MLYCD: variants seen among roughly 807,000 people sequenced by gnomAD.
MLYCD encodes malonyl-CoA decarboxylase.
Under a neutral mutation model 35.8 loss-of-function variants are expected in MLYCD, and 27 were observed. That is an observed-to-expected ratio of 0.75 (90% CI 0.56 to 1.04). The LOEUF (loss-of-function observed/expected upper bound fraction) is 1.04. Ranked by LOEUF, MLYCD falls within the 50% of genes least tolerant of loss-of-function variation. MLYCD has a pLI of 0.00. For synonymous variants in MLYCD, 403 were observed against 302.4 expected (o/e 1.33, Z -3.45); for missense variants, 917 against 665.1 (o/e 1.38, Z -4.17).
At position 83,922,365 on chromosome 16, in the gene MLYCD, C is replaced by G. The variant is rs1400094094; in HGVS notation, c.*6876C>G. The G allele has an allele frequency of 6.6e-6, 1 of 152,302 alleles. No homozygotes were observed. Among genetic ancestry groups the G allele is most frequent in the Non-Finnish European group, 1.5e-5 (1 of 68,104 alleles). 9.4% of individuals were successfully genotyped at this position (152,302 alleles called of 1,614,324 possible). A position where few individuals can be genotyped will look rare whatever the true frequency, so the allele number is the denominator to read the frequency against. ...CCTCCATCCCACCCACAGGGTTTCA[C>G]AAGAGGCCCAGCCATGCACCCTGCT... On this transcript the variant is annotated 3_prime_UTR_variant, in exon 5 of 5. Coordinates refer to ENST00000262430, the MANE Select transcript of MLYCD (RefSeq NM_012213.3).
At chr16:83,912,114 TC>T in intron 3 of MLYCD, 103 bp from the exon 4 acceptor site, 1 of 1,523,168 alleles carries the variant, frequency 6.6e-7, no homozygotes, top group Non-Finnish European at 9.1e-7. Flanking sequence ...CTCTTCCAGC[TC>T]CTTCAGTGCT....
chr16:83,908,161 A>G lies in MLYCD; in HGVS notation c.677A>G (p.Asp226Gly). ...EAVHPVKNWM[D>G]MKRRVGPYRR... ...GTGCATCCTGTAAAAAACTGGATGG[A>G]CATGAAGCGCCGCGTTGGGCCCTAC... The change falls in exon 3 of 5, where the codon GAC becomes GGC. Residue 226 changes from aspartate (D) to glycine (G), a missense_variant. By Grantham distance (94) the Asp-to-Gly change is moderately conservative. Transcript: ENST00000262430. 3 of 1,614,220 alleles carry G rather than the reference A, an allele frequency of 1.9e-6. No individual in the cohort carries two copies. The highest frequency in any genetic ancestry group is 2.2e-5 in the South Asian group (2 of 91,090).
rs985556659 is a variant in MLYCD, at chr16:83,916,147, A to G, written c.*658A>G. ...GGGATTCAGGTTCATAATGAACTTC[A>G]CAGTAAAGAACACGTTTGTTCTGTA... On this transcript the variant is annotated 3_prime_UTR_variant, in exon 5 of 5. Transcript: ENST00000262430. The G allele has an allele frequency of 2.5e-5, 25 of 992,760 alleles. No individual in the cohort carries two copies. The highest frequency in any genetic ancestry group is 3.0e-5 in the Non-Finnish European group (25 of 833,150). The allele number at this position is 992,760 out of a possible 1,614,324, so 61.5% of individuals were successfully genotyped here.
chr16:83,914,756 G>A (rs1312525567), intron 4 of MLYCD, 200 bp from the exon 5 acceptor site: 1 of 708,924 alleles, frequency 1.4e-6, no homozygotes, highest in Non-Finnish European at 2.3e-6. Flanking sequence ...TCCAGCTAGG[G>A]CAATAGAGCA....
At chr16:83,908,959 T>G (rs747805820) in intron 3 of MLYCD, among the ~76,000 whole-genome samples, 1 of 152,168 alleles carries the variant, frequency 6.6e-6, no homozygotes, top group Non-Finnish European at 1.5e-5. Context: ...CATGAGTGGC[T>G]GTTAGGAAGC....
chr16:83,922,302 G>C lies in MLYCD; in HGVS notation c.*6813G>C, dbSNP rs970562425. 3 of 152,124 alleles carry C rather than the reference G, an allele frequency of 2.0e-5. No homozygotes were observed. The East Asian group carries it at 5.8e-4, about 29-fold the overall frequency. 9.4% of individuals were successfully genotyped at this position (152,124 alleles called of 1,614,324 possible). A position where few individuals can be genotyped will look rare whatever the true frequency, so the allele number is the denominator to read the frequency against. ...TAAGTTCCGGCTCTCCTTATCTCTT[G>C]GAGCCCTGTCATCTGTGGATCAGAT... On this transcript the variant is annotated 3_prime_UTR_variant, in exon 5 of 5. Coordinates refer to ENST00000262430, the MANE Select transcript of MLYCD (RefSeq NM_012213.3).
At chr16:83,908,375 C>CTTTT (rs558316423) in intron 3 of MLYCD, 93 bp downstream of exon 3, 6 of 1,174,690 alleles carry the variant, frequency 5.1e-6, no homozygotes, top group Non-Finnish European at 6.9e-6. Flanking sequence ...TTTTATCCTC[C>CTTTT]TTTTTTTTTT....
rs746735081 is a variant in MLYCD at position 83,908,159 on chromosome 16, G to A, written c.675G>A (p.Met225Ile). Residue 225 changes from methionine (M) to isoleucine (I), a missense_variant, in exon 3 of 5, where the codon ATG becomes ATA. Coordinates refer to ENST00000262430, the MANE Select transcript of MLYCD (RefSeq NM_012213.3). ...AEAVHPVKNW[M>I]DMKRRVGPYR... ...CTGTGCATCCTGTAAAAAACTGGAT[G>A]GACATGAAGCGCCGCGTTGGGCCCT... 3.1e-6 allele frequency: 5 copies of A among 1,614,208 alleles called. No homozygotes were observed. The Admixed American group carries it at 6.7e-5, about 22-fold the overall frequency.
intron 3 of MLYCD, 99 bp from the exon 4 acceptor site, chr16:83,912,119 C>T: frequency 6.5e-7 from 1 of 1,541,196 alleles, no homozygotes; most frequent in African/African-American, 1.4e-5. Context: ...CCAGCTCCTT[C>T]AGTGCTCTGA....
intron 1 of MLYCD, among the ~76,000 whole-genome samples, chr16:83,906,786 G>A (rs946668561): frequency 4.0e-5 from 6 of 150,556 alleles, no homozygotes; most frequent in South Asian, 2.1e-4. Flanking sequence ...TAAATAGAGC[G>A]TTGAACGAAA....
At position 83,922,390 on chromosome 16, in the gene MLYCD, T is replaced by G. The variant is rs2151063578; in HGVS notation, c.*6901T>G. 6.6e-6 allele frequency: 1 copy of G among 152,412 alleles called. No individual in the cohort carries two copies. Among genetic ancestry groups the G allele is most frequent in the African/African-American group, 2.4e-5 (1 of 41,570 alleles). The allele number at this position is 152,412 out of a possible 1,614,324, so 9.4% of individuals were successfully genotyped here. On this transcript the variant is annotated 3_prime_UTR_variant, in exon 5 of 5. Coordinates refer to ENST00000262430, the MANE Select transcript of MLYCD (RefSeq NM_012213.3). Reference sequence around the variant, plus strand: ...CAAGAGGCCCAGCCATGCACCCTGCTGGGGTTCAGACTTGAGGGGTGCCAC... The same window carrying G: ...CAAGAGGCCCAGCCATGCACCCTGCGGGGGTTCAGACTTGAGGGGTGCCAC...
Position 83,915,774 on chromosome 16 carries a change from G to T in MLYCD, c.*285G>T, listed in dbSNP as rs138692583. The T allele has an allele frequency of 3.8e-6, 5 of 1,316,698 alleles. No homozygotes were observed. The Admixed American group carries it at 1.6e-4, about 42-fold the overall frequency. The allele number at this position is 1,316,698 out of a possible 1,614,324, so 81.6% of individuals were successfully genotyped here. On this transcript the variant is annotated 3_prime_UTR_variant, in exon 5 of 5. Transcript: ENST00000262430. ...TTGCCCTTGGCCTGGCTCCCTGCCCGGGGCTGGTGCTGTGGTACCTACATC... is the reference window on the plus strand; with the variant it reads ...TTGCCCTTGGCCTGGCTCCCTGCCCTGGGCTGGTGCTGTGGTACCTACATC...
intron 3 of MLYCD, among the ~76,000 whole-genome samples, chr16:83,908,691 C>T (rs2278039): frequency 0.072 from 11,005 of 152,190 alleles, 470 homozygotes; most frequent in East Asian, 0.11. Flanking sequence ...AGAGGCACTC[C>T]ATCCCTTATG....
intron 1 of MLYCD, among the ~76,000 whole-genome samples, chr16:83,899,992 G>T (rs9806909): frequency 0.21 from 31,919 of 152,160 alleles, 4,239 homozygotes; most frequent in African/African-American, 0.38. Flanking sequence ...ACAGTCTTTT[G>T]AAATTATTGT....
rs1907510854 is a variant in MLYCD at position 83,918,442 on chromosome 16, G to A, written c.*2953G>A. 6.9e-6 allele frequency: 1 copy of A among 145,786 alleles called. No homozygotes were observed. The highest frequency in any genetic ancestry group is 6.9e-5 in the Admixed American group (1 of 14,504). The allele number at this position is 145,786 out of a possible 1,614,324, so 9.0% of individuals were successfully genotyped here. On this transcript the variant is annotated 3_prime_UTR_variant, in exon 5 of 5. Transcript: ENST00000262430. ...TGCACAGGAGAACACATGGTGCACA[G>A]GAGAACACGCACACACGGTGCACAG...
rs928624769 is a variant in MLYCD, at chr16:83,923,658, T to A, written c.*8169T>A. ...GAAGCTGGAGCGAGTGTTCCTCACT[T>A]AGAGATGAGGCGATGAGGCGGCGAG... On this transcript the variant is annotated 3_prime_UTR_variant, in exon 5 of 5. Coordinates refer to ENST00000262430, the MANE Select transcript of MLYCD (RefSeq NM_012213.3). 2.0e-5 allele frequency: 3 copies of A among 152,284 alleles called. No individual in the cohort carries two copies. Among genetic ancestry groups the A allele is most frequent in the African/African-American group, 7.2e-5 (3 of 41,442 alleles). 9.4% of individuals were successfully genotyped at this position (152,284 alleles called of 1,614,324 possible). A position where few individuals can be genotyped will look rare whatever the true frequency, so the allele number is the denominator to read the frequency against.
rs200745228 is a variant in MLYCD, at chr16:83,912,332, A to T, written c.913A>T (p.Thr305Ser). 2 of 1,614,182 alleles carry T rather than the reference A, an allele frequency of 1.2e-6. No homozygotes were observed. The highest frequency in any genetic ancestry group is 4.5e-5 in the East Asian group (2 of 44,878). Residue 305 changes from threonine to serine, a missense_variant, in exon 4 of 5, where the codon ACA becomes TCA. Coordinates refer to ENST00000262430, the MANE Select transcript of MLYCD (RefSeq NM_012213.3). ...QQGLQGVELG[T>S]FLIKRVVKEL... ...GGGACTCCAAGGGGTGGAGCTGGGA[A>T]CATTCCTCATAAAGCGAGTCGTCAA... is the stretch of plus-strand genomic sequence containing the variant.
intron 1 of MLYCD, among the ~76,000 whole-genome samples, chr16:83,901,814 G>T (rs991061489): frequency 2.0e-5 from 3 of 152,092 alleles, no homozygotes; most frequent in Non-Finnish European, 4.4e-5. Context: ...CTTGCTTTTT[G>T]ACCAAGGCTA....
intron 3 of MLYCD, 93 bp from the exon 4 acceptor site, chr16:83,912,125 T>C (rs1394091804): frequency 1.3e-6 from 2 of 1,563,672 alleles, no homozygotes; most frequent in Non-Finnish European, 1.8e-6. Context: ...CCTTCAGTGC[T>C]CTGAGAATTG....
Sources: gnomAD v4.1 joint callset for allele counts (sites outside exome capture counted in the v4.1 genomes callset) on GRCh38, gnomAD v4.1.1 for gene constraint, MANE v1.5 for transcripts, NCBI Gene and HGNC (gene_info 2026-07-23, HGNC 2026-07-21) for gene names.